CACNA2D3: variants seen among roughly 807,000 people sequenced by gnomAD.
CACNA2D3 encodes voltage-dependent calcium channel subunit alpha-2/delta-3.
CACNA2D3 carries 60 observed loss-of-function variants against 160.6 expected under a neutral mutation model. The ratio of observed to expected loss-of-function variants is 0.37; its 90% CI spans 0.30 to 0.46. The LOEUF (loss-of-function observed/expected upper bound fraction) is 0.46, where lower values mean the gene tolerates loss of function less well. CACNA2D3 is among the 20% of genes least tolerant of loss of function. The probability of loss-of-function intolerance (pLI) is 1.00; values close to 1 mark genes in which losing one functional copy is unlikely to be tolerated. For synonymous variants in CACNA2D3, 558 were observed against 492.9 expected, an observed-to-expected ratio of 1.13 and a Z score of -1.75; for missense variants, 1,205 against 1,365.0, an observed-to-expected ratio of 0.88 and a Z score of 1.85.
Position 54,820,940 on chromosome 3 carries a change from C to A in CACNA2D3, c.1398+4070C>A, listed in dbSNP as rs555395277. On this transcript the variant is annotated intron_variant, in intron 14 of 37. Transcript: ENST00000474759. Reference sequence around the variant, plus strand: ...CTATAGGAGCTAAACATCAGTTATTCACTGCAGGATTAATTTAATCAATGT... The same window carrying A: ...CTATAGGAGCTAAACATCAGTTATTAACTGCAGGATTAATTTAATCAATGT... Among the ~76,000 whole-genome samples the A allele has an allele frequency of 1.2e-4, 18 of 152,252 alleles. 1 individual carries two copies. In the South Asian group the frequency reaches 3.7e-3, roughly 32 times the overall value.
At chr3:54,390,296 T>C in intron 4 of CACNA2D3, among the ~76,000 whole-genome samples, 1 of 152,204 alleles carries the variant, frequency 6.6e-6, no homozygotes, top group Non-Finnish European at 1.5e-5. Flanking sequence ...AGTTTTACAG[T>C]AAAATTCTGG....
At chr3:54,712,854 G>C (rs1195990706) in intron 11 of CACNA2D3, among the ~76,000 whole-genome samples, 1 of 152,130 alleles carries the variant, frequency 6.6e-6, no homozygotes, top group African/African-American at 2.4e-5. Context: ...ACAACCCTGT[G>C]GTTGCATTGG....
At chr3:54,809,281 TTC>T (rs1316844252) in intron 13 of CACNA2D3, among the ~76,000 whole-genome samples, 2 of 144,134 alleles carry the variant, frequency 1.4e-5, no homozygotes, top group Non-Finnish European at 3.0e-5. Flanking sequence ...TATCTCTTTC[TTC>T]TCTCTTTCTT....
rs869041749 is a variant in CACNA2D3, at chr3:54,439,333, T to TGTGTGTGTG, written c.381+52559_381+52560insGTGTGTGTG. Among the ~76,000 whole-genome samples the TGTGTGTGTG allele has an allele frequency of 5.3e-3, 779 of 147,950 alleles. 9 individuals are homozygous for TGTGTGTGTG. Among genetic ancestry groups the TGTGTGTGTG allele is most frequent in the East Asian group, 0.022 (112 of 5,062 alleles). On this transcript the variant is annotated intron_variant, in intron 4 of 37. Transcript: ENST00000474759. The stretch of plus-strand genomic sequence containing the variant: ...GGTGTGTGTGTGTGTGTGTGTGTGT[T>TGTGTGTGTG]TGTGTGTGAAGATAGAGAATTAGCT...
intron 13 of CACNA2D3, among the ~76,000 whole-genome samples, chr3:54,816,566 G>C (rs1265941188): frequency 6.6e-6 from 1 of 152,146 alleles, no homozygotes; most frequent in Non-Finnish European, 1.5e-5. Context: ...GAAGAGCCTC[G>C]GTTCCAGCTT....
intron 14 of CACNA2D3, among the ~76,000 whole-genome samples, chr3:54,822,780 T>C (rs1703647065): frequency 1.1e-5 from 1 of 88,582 alleles, no homozygotes; most frequent in Non-Finnish European, 2.2e-5. Flanking sequence ...CTTTCTTTCT[T>C]TCTTTCTTTC....
At chr3:54,123,700 G>C (rs1336650372) in intron 2 of CACNA2D3, 106 bp downstream of exon 2, 8 of 903,040 alleles carry the variant, frequency 8.9e-6, no homozygotes, top group Non-Finnish European at 1.5e-5. Context: ...TCAGTTATCG[G>C]AGGACTCTCT....
At chr3:54,403,937 A>G (rs534702058) in intron 4 of CACNA2D3, among the ~76,000 whole-genome samples, 3 of 152,202 alleles carry the variant, frequency 2.0e-5, no homozygotes, top group African/African-American at 4.8e-5. Context: ...CCAAGGTTGA[A>G]TCAGGAAGAA....
intron 2 of CACNA2D3, among the ~76,000 whole-genome samples, chr3:54,252,559 T>A (rs79445871): frequency 0.014 from 2,127 of 152,306 alleles, 50 homozygotes; most frequent in African/African-American, 0.049. Context: ...AAAATTAGAA[T>A]TGTGCACACT....
chr3:54,825,826 A>G (rs1703736541), intron 14 of CACNA2D3, among the ~76,000 whole-genome samples: 2 of 152,226 alleles, frequency 1.3e-5, no homozygotes, highest in South Asian at 2.1e-4. Flanking sequence ...AATGAAGTCT[A>G]TATCAAATCA....
chr3:54,584,953 G>A (rs1702734804), intron 9 of CACNA2D3, among the ~76,000 whole-genome samples: 1 of 152,060 alleles, frequency 6.6e-6, no homozygotes, highest in Non-Finnish European at 1.5e-5. Flanking sequence ...GAGAAATAAA[G>A]GCATTCTCAA....
chr3:54,775,540 G>A (rs1450284860), intron 13 of CACNA2D3, among the ~76,000 whole-genome samples: 5 of 152,186 alleles, frequency 3.3e-5, no homozygotes, highest in Non-Finnish European at 7.3e-5. Context: ...TCTGAGAATA[G>A]TCGTATAGGA....
chr3:54,858,991 G>A (rs1237933492), intron 17 of CACNA2D3, among the ~76,000 whole-genome samples: 2 of 152,122 alleles, frequency 1.3e-5, no homozygotes, highest in Non-Finnish European at 2.9e-5. Flanking sequence ...AGGTTTGAAG[G>A]CTGTTGGAAT....
At chr3:54,773,874 C>T (rs1046389330) in intron 13 of CACNA2D3, among the ~76,000 whole-genome samples, 2 of 152,152 alleles carry the variant, frequency 1.3e-5, no homozygotes, top group Non-Finnish European at 2.9e-5. Context: ...ATATGGGTGA[C>T]TGTCAACTAG....
chr3:54,573,120 G>A (rs6780599), intron 8 of CACNA2D3, among the ~76,000 whole-genome samples: 57,132 of 151,940 alleles, frequency 0.38, 11,105 homozygotes, highest in Middle Eastern at 0.43. Context: ...CCCTCACTGT[G>A]CATCTGTTTG....
intron 11 of CACNA2D3, among the ~76,000 whole-genome samples, chr3:54,725,651 A>G (rs1701262251): frequency 6.6e-6 from 1 of 152,188 alleles, no homozygotes; most frequent in Non-Finnish European, 1.5e-5. Context: ...AATAAAACCA[A>G]TCACAAAAAC....
intron 2 of CACNA2D3, among the ~76,000 whole-genome samples, chr3:54,199,316 C>T (rs933995428): frequency 9.2e-5 from 14 of 152,100 alleles, no homozygotes; most frequent in Non-Finnish European, 7.4e-5. Flanking sequence ...CTCAATATTT[C>T]GGTCTACCTC....
intron 4 of CACNA2D3, among the ~76,000 whole-genome samples, chr3:54,401,215 T>C (rs1200727763): frequency 2.0e-5 from 3 of 151,926 alleles, no homozygotes; most frequent in African/African-American, 7.3e-5. Flanking sequence ...GAAAAATGAA[T>C]GAAAGATTGA....
In CACNA2D3 at chr3:54,796,894, C is replaced by T. The variant is rs908527434; in HGVS notation, c.1381-19959C>T. Among the ~76,000 whole-genome samples, 7 of 152,112 alleles carry T rather than the reference C, an allele frequency of 4.6e-5. No individual in the cohort carries two copies. The South Asian group carries it at 8.3e-4, about 18-fold the overall frequency. On this transcript the variant is annotated intron_variant, in intron 13 of 37. Transcript: ENST00000474759. ...TAGAGATAGGGCTGCCACAGAGCTC[C>T]GTGTGAAGGCATCATTTCATCAGCT... is the stretch of plus-strand genomic sequence containing the variant.
Sources: allele counts gnomAD v4.1 joint callset (sites outside exome capture counted in the v4.1 genomes callset), GRCh38; gene constraint gnomAD v4.1.1; transcripts MANE v1.5; gene names NCBI Gene and HGNC (gene_info 2026-07-23, HGNC 2026-07-21).